Variants in NPC1 observed in about 807,000 individuals in gnomAD.
The protein encoded by NPC1 is Niemann-Pick C1 protein.
A neutral mutation model predicts 140.4 loss-of-function variants in NPC1; 85 were observed. That is an observed-to-expected ratio of 0.61 (90% confidence interval 0.51 to 0.72). NPC1 has a LOEUF of 0.72. Ranked by LOEUF, NPC1 falls within the 30% of genes least tolerant of loss-of-function variation. The pLI is 0.00. For synonymous variants in NPC1, 656 were observed against 624.8 expected (o/e 1.05, Z -0.74); for missense variants, 1,504 against 1,623.8 (o/e 0.93, Z 1.27).
chr18:23,514,917 A>C (rs151105475), intron 3 of NPC1, among the ~76,000 whole-genome samples: 50 of 152,308 alleles, frequency 3.3e-4, no homozygotes, highest in African/African-American at 1.2e-3. Flanking sequence ...GGGGCTCTGT[A>C]CAGTGTTCTG....
intron 1 of NPC1, among the ~76,000 whole-genome samples, chr18:23,584,016 T>C (rs994691576): frequency 6.6e-6 from 1 of 152,138 alleles, no homozygotes; most frequent in East Asian, 1.9e-4. Context: ...TTCTCTATGT[T>C]CCAAGTCCCT....
chr18:23,529,152 T>A (rs2058402768), downstream of NPC1: 1 of 1,603,644 alleles, frequency 6.2e-7, no homozygotes, highest in Non-Finnish European at 8.5e-7. Flanking sequence ...ATGCCGAAGA[T>A]CATAGTTTGT....
At position 23,538,577 on chromosome 18, in the gene NPC1, G is replaced by A. The variant is rs1459424416; in HGVS notation, c.3006C>T (p.Phe1002=). 1 of 1,614,154 alleles carries A rather than the reference G, an allele frequency of 6.2e-7. No individual in the cohort carries two copies. Among genetic ancestry groups the A allele is most frequent in the African/African-American group, 1.3e-5 (1 of 75,042 alleles). Residue 1002 remains phenylalanine, a synonymous_variant, in exon 20 of 25, where the codon TTC becomes TTT. Transcript: ENST00000269228. Reference sequence around the variant, plus strand: ...ACTTGGGGTTAGGGTTATCCGAAAGGAACATGGGCAGGAATCTCATGAAGT... The same window carrying A: ...ACTTGGGGTTAGGGTTATCCGAAAGAAACATGGGCAGGAATCTCATGAAGT... ...GGDFMRFLPM[F]LSDNPNPKCG...
chr18:23,574,191 C>T (rs893078541), intron 1 of NPC1, among the ~76,000 whole-genome samples: 3 of 152,190 alleles, frequency 2.0e-5, no homozygotes, highest in Non-Finnish European at 4.4e-5. Context: ...AAACCACTCA[C>T]ATTTCCCATG....
At chr18:23,543,433 G>A (rs773157144) in intron 14 of NPC1, 22 bp downstream of exon 14, 8 of 1,356,088 alleles carry the variant, frequency 5.9e-6, no homozygotes, top group African/African-American at 2.9e-5. Context: ...TACAGGACTG[G>A]TAGGATTGAA....
chr18:23,515,815 G>C (rs773905725), intron 3 of NPC1: 1 of 1,611,734 alleles, frequency 6.2e-7, no homozygotes, highest in Non-Finnish European at 8.5e-7. Flanking sequence ...TTAGTTTGCC[G>C]TTTTTTAAAT....
chr18:23,529,923 A>G, downstream of NPC1: 1 of 1,168,146 alleles, frequency 8.6e-7, no homozygotes, highest in Middle Eastern at 2.0e-4. Context: ...TTGTAATGAC[A>G]GACTTTTACT....
intron 24 of NPC1, 111 bp from the exon 25 acceptor site, chr18:23,532,395 T>TAA: frequency 1.7e-6 from 2 of 1,150,284 alleles, no homozygotes; most frequent in Non-Finnish European, 2.6e-6. Flanking sequence ...GCAGGAGAAT[T>TAA]GCTTGAGACC....
rs780387245 is a variant in NPC1, at chr18:23,543,528, C to A, written c.2172G>T (p.Leu724=). The change falls in exon 14 of 25, where the codon CTG becomes CTT. Residue 724 remains leucine, a synonymous_variant. Transcript: ENST00000269228. The part of the protein sequence containing the change: ...RLQGETLDQQ[L]GRVLGEVAPS... ...GAGCCACTTCTCCTAGGACCCTGCC[C>A]AGCTGCTGATCCAGGGTTTCCCCTT... is the stretch of plus-strand genomic sequence containing the variant. 13 of 1,611,568 alleles carry A rather than the reference C, an allele frequency of 8.1e-6. No individual in the cohort carries two copies. Among genetic ancestry groups the A allele is most frequent in the Non-Finnish European group, 1.1e-5 (13 of 1,178,894 alleles).
intron 7 of NPC1, 38 bp downstream of exon 7, chr18:23,557,079 T>G (rs755564412): frequency 3.3e-6 from 5 of 1,506,926 alleles, no homozygotes; most frequent in Non-Finnish European, 9.2e-7. Context: ...ACAGACAGCA[T>G]CATCTGAACC....
At chr18:23,536,931 G>A (rs1476211234) in intron 20 of NPC1, 55 bp from the exon 21 acceptor site, 5 of 1,457,438 alleles carry the variant, frequency 3.4e-6, no homozygotes, top group Admixed American at 1.8e-5. Flanking sequence ...AATATCAGCA[G>A]AATCTGAGCA....
Position 23,577,584 on chromosome 18 carries a change from C to T in NPC1, c.58-4010G>A, listed in dbSNP as rs776023686. On this transcript the variant is annotated intron_variant, in intron 1 of 24. Transcript: ENST00000269228. The stretch of plus-strand genomic sequence containing the variant: ...TGGCTTCACCTAGTGGATCCCGCAC[C>T]GGGGCTGCAGGTGGAGCTGCCTGCC... Among the ~76,000 whole-genome samples, 141 of 152,272 alleles carry T rather than the reference C, an allele frequency of 9.3e-4. 2 individuals carry two copies. Among genetic ancestry groups the T allele is most frequent in the Non-Finnish European group, 1.0e-3 (70 of 68,028 alleles).
At chr18:23,563,229 A>G (rs2059070153) in intron 4 of NPC1, among the ~76,000 whole-genome samples, 1 of 152,238 alleles carries the variant, frequency 6.6e-6, no homozygotes, top group Non-Finnish European at 1.5e-5. Flanking sequence ...CGGCCGAACA[A>G]CATTTCATTG....
At chr18:23,529,507 C>T, downstream of NPC1, 12 of 1,252,074 alleles carry the variant, frequency 9.6e-6, no homozygotes, top group Non-Finnish European at 1.4e-5. Context: ...GCGATGTGTG[C>T]AAAACCAGTG....
intron 10 of NPC1, among the ~76,000 whole-genome samples, chr18:23,550,081 C>T (rs1007008304): frequency 6.6e-6 from 1 of 150,586 alleles, no homozygotes; most frequent in Non-Finnish European, 1.5e-5. Flanking sequence ...GGTGCAATCT[C>T]GCTTACTGCA....
intron 4 of NPC1, among the ~76,000 whole-genome samples, chr18:23,565,544 TG>T (rs1363688315): frequency 1.3e-5 from 2 of 152,088 alleles, no homozygotes; most frequent in African/African-American, 4.8e-5. Context: ...TTAGTAGAGA[TG>T]GGGTTTCACC....
chr18:23,567,947 T>C (rs2059149717), intron 4 of NPC1, among the ~76,000 whole-genome samples: 1 of 151,944 alleles, frequency 6.6e-6, no homozygotes, highest in Admixed American at 6.5e-5. Context: ...TAGATAACAG[T>C]TGTTTATATT....
Position 23,568,843 on chromosome 18 carries a change from A to C in NPC1, c.443T>G (p.Val148Gly). 6.2e-7 allele frequency: 1 copy of C among 1,614,102 alleles called. No individual in the cohort carries two copies. Among genetic ancestry groups the C allele is most frequent in the Non-Finnish European group, 8.5e-7 (1 of 1,179,960 alleles). ...CTTACCATTGGCAAAACTCTGTCCG[A>C]CGTAGTATTGTAACTCTTTCACATT... Reference protein sequence around the residue: ...KTNVKELQYYVGQSFANAMYN... With the variant: ...KTNVKELQYYGGQSFANAMYN... Residue 148 changes from valine (V) to glycine (G), a missense_variant, in exon 4 of 25, where the codon GTC (valine) becomes GGC (glycine). Transcript: ENST00000269228.
chr18:23,528,883 GCT>G (rs2058390040), downstream of NPC1: 1 of 295,244 alleles, frequency 3.4e-6, no homozygotes, highest in South Asian at 3.9e-5. Flanking sequence ...GATCTGAACT[GCT>G]TTTTTTTTTT....
Sources: allele counts gnomAD v4.1 joint callset (sites outside exome capture counted in the v4.1 genomes callset), GRCh38; gene constraint gnomAD v4.1.1; transcripts MANE v1.5; gene names NCBI Gene and HGNC (gene_info 2026-07-23, HGNC 2026-07-21).